The following TFAM variants were observed in gnomAD, a reference collection of about 807,000 sequenced individuals.
TFAM encodes transcription factor A, mitochondrial, also known as mitochondrial transcription factor 1.
In TFAM, 13 loss-of-function variants were observed where a neutral mutation model predicts 30.6. The observed-to-expected ratio is 0.42, with a 90% CI of 0.28 to 0.67. The LOEUF (loss-of-function observed/expected upper bound fraction) is 0.67, where lower values mean the gene tolerates loss of function less well. Ranked by LOEUF, TFAM falls within the 30% of genes least tolerant of loss-of-function variation. The probability of loss-of-function intolerance (pLI) is 0.21; values close to 1 mark genes in which losing one functional copy is unlikely to be tolerated. For synonymous variants in TFAM, 106 were observed against 94.8 expected, an observed-to-expected ratio of 1.12 and a Z score of -0.69; for missense variants, 231 against 293.7, an observed-to-expected ratio of 0.79 and a Z score of 1.56.
At chr10:58,388,918 G>A (rs921363377) in intron 4 of TFAM, 99 bp downstream of exon 4, 7 of 1,110,924 alleles carry the variant, frequency 6.3e-6, no homozygotes, top group Non-Finnish European at 9.1e-6. Flanking sequence ...ATAAAATATG[G>A]TAGAATGTCA....
At position 58,388,198 on chromosome 10, in the gene TFAM, A is replaced by G. The variant is rs765920008; in HGVS notation, c.229A>G (p.Thr77Ala). Residue 77 changes from threonine to alanine, a missense_variant, in exon 3 of 7, where the codon ACT becomes GCT. By Grantham distance (58) the Thr-to-Ala change is moderately conservative (BLOSUM62 0). Transcript: ENST00000487519. The stretch of plus-strand genomic sequence containing the variant: ...TTTATTTCATTCCATAGATGCAAAA[A>G]CTACAGAACTAATTAGAAGAATTGC... ...IFKAQNPDAK[T>A]TELIRRIAQR... The G allele has an allele frequency of 2.5e-6, 4 of 1,613,782 alleles. No individual in the cohort carries two copies. In the Admixed American group the frequency reaches 6.7e-5, roughly 27 times the overall value.
At chr10:58,393,230 C>T (rs984978680) in intron 5 of TFAM, among the ~76,000 whole-genome samples, 2 of 152,186 alleles carry the variant, frequency 1.3e-5, no homozygotes, top group Non-Finnish European at 2.9e-5. Context: ...CTGCCTGCCT[C>T]GGCCTCCCAA....
At chr10:58,393,354 G>A (rs1377177640) in intron 5 of TFAM, among the ~76,000 whole-genome samples, 1 of 152,166 alleles carries the variant, frequency 6.6e-6, no homozygotes, top group African/African-American at 2.4e-5. Context: ...CCTGTCTGGT[G>A]CTGCCAATTC....
At position 58,388,115 on chromosome 10, in the gene TFAM, T is replaced by G. The variant is rs1840524667; in HGVS notation, c.221-75T>G. ...AGTTATGTGTGGTATGGATTGTGCT[T>G]TCCTGGATATCTTTAGAAATTAATC... On this transcript the variant is annotated intron_variant, in intron 2 of 6. Coordinates refer to ENST00000487519, the MANE Select transcript of TFAM (RefSeq NM_003201.3). The G allele has an allele frequency of 4.2e-6, 5 of 1,187,176 alleles. No homozygotes were observed. In the East Asian group the frequency reaches 7.0e-5, roughly 17 times the overall value. The allele number at this position is 1,187,176 out of a possible 1,614,324, so 73.5% of individuals were successfully genotyped here.
intron 4 of TFAM, among the ~76,000 whole-genome samples, 187 bp from the exon 5 acceptor site, chr10:58,390,578 T>G (rs1840572633): frequency 6.6e-6 from 1 of 152,230 alleles, no homozygotes. Flanking sequence ...AAATCTAACA[T>G]AATTTTCATA....
Position 58,388,747 on chromosome 10 carries a change from A to C in TFAM, c.369A>C (p.Pro123=). The change falls in exon 4 of 7, where the codon CCA becomes CCC. Residue 123 remains proline, a synonymous_variant. Transcript: ENST00000487519. ...GCAGATTTAAAGAACAGCTAACTCC[A>C]AGTCAGATTATGTCTTTGGAAAAAG... ...EISRFKEQLT[P]SQIMSLEKEI... 2 of 1,613,798 alleles carry C rather than the reference A, an allele frequency of 1.2e-6. No homozygotes were observed. Among genetic ancestry groups the C allele is most frequent in the African/African-American group, 2.7e-5 (2 of 75,038 alleles).
At chr10:58,388,147 G>C in intron 2 of TFAM, 43 bp from the exon 3 acceptor site, 1 of 1,472,186 alleles carries the variant, frequency 6.8e-7, no homozygotes, top group Non-Finnish European at 9.5e-7. Flanking sequence ...AATCCTGAGA[G>C]GTAAAATTGT....
In TFAM at chr10:58,388,276, T is replaced by G. The variant is rs1254905344; in HGVS notation, c.291+16T>G. 1.9e-6 allele frequency: 3 copies of G among 1,608,656 alleles called. No individual in the cohort carries two copies. The highest frequency in any genetic ancestry group is 2.6e-6 in the Non-Finnish European group (3 of 1,175,048). On this transcript the variant is annotated intron_variant, in intron 3 of 6. Transcript: ENST00000487519. ...AAAGAAAAAAGTAAGCACATAAGTT[T>G]TCAACATTGCTGACCAGTTATTCTG... is the stretch of plus-strand genomic sequence containing the variant.
In TFAM at chr10:58,386,301, T is replaced by G; in HGVS notation, c.183T>G (p.Ser61=). 1 of 1,613,938 alleles carries G rather than the reference T, an allele frequency of 6.2e-7. No individual in the cohort carries two copies. Among genetic ancestry groups the G allele is most frequent in the Non-Finnish European group, 8.5e-7 (1 of 1,179,936 alleles). The part of the protein sequence containing the change: ...KKPVSSYLRF[S]KEQLPIFKAQ... Reference sequence around the variant, plus strand: ...CTGTAAGTTCTTACCTTCGATTTTCTAAAGAACAACTACCCATATTTAAAG... The same window carrying G: ...CTGTAAGTTCTTACCTTCGATTTTCGAAAGAACAACTACCCATATTTAAAG... The change falls in exon 2 of 7, where the codon TCT becomes TCG. Residue 61 remains serine (S), a synonymous_variant. Transcript: ENST00000487519.
rs1237450205 is a variant in TFAM at position 58,390,641 on chromosome 10, A to C, written c.442-124A>C. On this transcript the variant is annotated intron_variant, in intron 4 of 6. Transcript: ENST00000487519. ...CAAGATGTAATAATCACACTATATAAGAATCATAACATTCACTTTAAGGAA... is the reference window on the plus strand; with the variant it reads ...CAAGATGTAATAATCACACTATATACGAATCATAACATTCACTTTAAGGAA... The C allele has an allele frequency of 3.9e-6, 3 of 778,096 alleles. No individual in the cohort carries two copies. The East Asian group carries it at 7.6e-5, about 20-fold the overall frequency. 48.2% of individuals were successfully genotyped at this position (778,096 alleles called of 1,614,324 possible). A position where few individuals can be genotyped will look rare whatever the true frequency, so the allele number is the denominator to read the frequency against.
chr10:58,389,744 C>CT (rs1554831947), intron 4 of TFAM, among the ~76,000 whole-genome samples: 1 of 152,220 alleles, frequency 6.6e-6, no homozygotes, highest in Non-Finnish European at 1.5e-5. Context: ...TATCCTCCCT[C>CT]TTTCATTCTC....
At chr10:58,390,678 G>A in intron 4 of TFAM, 87 bp from the exon 5 acceptor site, 1 of 939,052 alleles carries the variant, frequency 1.1e-6, no homozygotes, top group East Asian at 2.4e-5. Flanking sequence ...AATCTGTAAT[G>A]CGTAGTAGTG....
At chr10:58,394,489 T>G (rs541074207) in intron 6 of TFAM, 75 bp downstream of exon 6, 3 of 1,245,662 alleles carry the variant, frequency 2.4e-6, no homozygotes, top group South Asian at 1.2e-5. Context: ...CAAGGCTTGA[T>G]TCATGTGAAG....
chr10:58,393,906 A>C (rs1350300597), intron 5 of TFAM, among the ~76,000 whole-genome samples: 4 of 151,434 alleles, frequency 2.6e-5, no homozygotes, highest in Non-Finnish European at 5.9e-5. Flanking sequence ...AAAAAAAAAA[A>C]AAAATTCTAT....
chr10:58,393,253 A>T (rs1431738071), intron 5 of TFAM, among the ~76,000 whole-genome samples: 4 of 152,200 alleles, frequency 2.6e-5, no homozygotes, highest in Non-Finnish European at 4.4e-5. Flanking sequence ...TACTGGGATT[A>T]CAGGCGTGAG....
At chr10:58,392,303 A>G (rs1207196114) in intron 5 of TFAM, among the ~76,000 whole-genome samples, 7 of 152,202 alleles carry the variant, frequency 4.6e-5, no homozygotes, top group Non-Finnish European at 1.5e-5. Context: ...TTCAAAATGT[A>G]AAAATTCCTT....
At chr10:58,392,431 T>C (rs1840613591) in intron 5 of TFAM, among the ~76,000 whole-genome samples, 1 of 117,886 alleles carries the variant, frequency 8.5e-6, no homozygotes, top group South Asian at 3.3e-4. Flanking sequence ...TACATGTATA[T>C]GCATCTTCTG....
chr10:58,394,616 C>T, intron 6 of TFAM: 1 of 709,360 alleles, frequency 1.4e-6, no homozygotes, highest in East Asian at 2.7e-5. Flanking sequence ...TATTTGAAAC[C>T]ACAGCACTCA....
At chr10:58,387,159 A>C (rs1358045114) in intron 2 of TFAM, among the ~76,000 whole-genome samples, 1 of 152,144 alleles carries the variant, frequency 6.6e-6, no homozygotes, top group African/African-American at 2.4e-5. Flanking sequence ...GCTACTTGGG[A>C]GGCTGTGGTG....
Sources: allele counts gnomAD v4.1 joint callset (sites outside exome capture counted in the v4.1 genomes callset), GRCh38; gene constraint gnomAD v4.1.1; transcripts MANE v1.5; gene names NCBI Gene and HGNC (gene_info 2026-07-23, HGNC 2026-07-21).